The following FHIP1A variants were observed in gnomAD, a reference collection of about 807,000 sequenced individuals.
FHIP1A encodes FHF complex subunit HOOK-interacting protein 1A.
A neutral mutation model predicts 88.6 loss-of-function variants in FHIP1A; 61 were observed. The ratio of observed to expected loss-of-function variants is 0.69; its 90% CI spans 0.56 to 0.85. FHIP1A has a LOEUF of 0.85. Ranked by LOEUF, FHIP1A falls within the 40% of genes least tolerant of loss-of-function variation. The pLI is 0.00. For synonymous variants in FHIP1A, 478 were observed against 496.0 expected (o/e 0.96, Z 0.48); for missense variants, 1,154 against 1,273.5 (o/e 0.91, Z 1.43).
At chr4:151,411,240 T>C (rs1384722011) in intron 1 of FHIP1A, among the ~76,000 whole-genome samples, 1 of 151,982 alleles carries the variant, frequency 6.6e-6, no homozygotes, top group African/African-American at 2.4e-5. Flanking sequence ...AGGAACTTGA[T>C]AGATAATGAC....
At position 151,667,549 on chromosome 4, in the gene FHIP1A, G is replaced by C. The variant is rs1454695034; in HGVS notation, c.*4795G>C. 2.6e-5 allele frequency among the ~76,000 whole-genome samples: 4 copies of C among 152,164 alleles called. No homozygotes were observed. The highest frequency in any genetic ancestry group is 5.9e-5 in the Non-Finnish European group (4 of 68,030). On this transcript the variant is annotated 3_prime_UTR_variant, in exon 14 of 14. Transcript: ENST00000435205. Reference sequence around the variant, plus strand: ...TGTTTTGGGACTACAGATTATCCTGGCAGCTCAATAACTGGATAAACAGGA... The same window carrying C: ...TGTTTTGGGACTACAGATTATCCTGCCAGCTCAATAACTGGATAAACAGGA...
intron 2 of FHIP1A, among the ~76,000 whole-genome samples, chr4:151,463,423 T>C (rs1202175680): frequency 1.3e-5 from 2 of 152,252 alleles, no homozygotes; most frequent in Admixed American, 6.5e-5. Flanking sequence ...ATCTTCTGTG[T>C]CATGACAGGG....
intron 7 of FHIP1A, among the ~76,000 whole-genome samples, chr4:151,601,603 A>T (rs1734869104): frequency 6.7e-6 from 1 of 149,570 alleles, no homozygotes; most frequent in Non-Finnish European, 1.5e-5. Context: ...AACATACTAG[A>T]TATGAATAAA....
intron 2 of FHIP1A, among the ~76,000 whole-genome samples, chr4:151,460,930 A>G (rs1051587491): frequency 6.6e-6 from 1 of 152,202 alleles, no homozygotes; most frequent in Non-Finnish European, 1.5e-5. Flanking sequence ...TTGTATGGCA[A>G]TGGATATGAA....
intron 9 of FHIP1A, among the ~76,000 whole-genome samples, chr4:151,645,471 G>T (rs1736756346): frequency 6.6e-6 from 1 of 151,924 alleles, no homozygotes; most frequent in Admixed American, 6.6e-5. Flanking sequence ...ATGTTTACAG[G>T]CCTGAAGGCA....
chr4:151,508,043 T>C (rs996081246), intron 3 of FHIP1A, among the ~76,000 whole-genome samples: 2 of 152,154 alleles, frequency 1.3e-5, no homozygotes, highest in Non-Finnish European at 2.9e-5. Flanking sequence ...CTGGAGGAAG[T>C]GGTACAGGAA....
At chr4:151,529,576 A>T (rs193144141) in intron 3 of FHIP1A, among the ~76,000 whole-genome samples, 2 of 152,278 alleles carry the variant, frequency 1.3e-5, no homozygotes, top group Admixed American at 1.3e-4. Flanking sequence ...CCCTGTGACT[A>T]GCAGGTTGAT....
intron 2 of FHIP1A, among the ~76,000 whole-genome samples, chr4:151,471,871 G>GT (rs1729525652): frequency 2.0e-5 from 3 of 152,120 alleles, no homozygotes; most frequent in African/African-American, 4.8e-5. Context: ...TACAATGTTT[G>GT]TTTTTTCCAT....
At chr4:151,571,072 C>G (rs1430776669) in intron 4 of FHIP1A, among the ~76,000 whole-genome samples, 1 of 152,012 alleles carries the variant, frequency 6.6e-6, no homozygotes, top group East Asian at 1.9e-4. Context: ...AACTAGACTG[C>G]CATGTGAATT....
At chr4:151,579,199 A>G (rs1392465724) in intron 5 of FHIP1A, among the ~76,000 whole-genome samples, 1 of 152,212 alleles carries the variant, frequency 6.6e-6, no homozygotes, top group Non-Finnish European at 1.5e-5. Flanking sequence ...CATTTGTCCA[A>G]ACCCATAGAA....
At chr4:151,530,014 T>C (rs1731814222) in intron 3 of FHIP1A, among the ~76,000 whole-genome samples, 1 of 152,162 alleles carries the variant, frequency 6.6e-6, no homozygotes, top group Non-Finnish European at 1.5e-5. Context: ...ACCAGAGTAG[T>C]GTCCTATGTT....
intron 3 of FHIP1A, among the ~76,000 whole-genome samples, chr4:151,504,076 C>T (rs1730742984): frequency 6.6e-6 from 1 of 152,186 alleles, no homozygotes; most frequent in Admixed American, 6.5e-5. Flanking sequence ...TTAGCCTTAC[C>T]AACAGTAACT....
chr4:151,600,918 T>C (rs1272228140), intron 7 of FHIP1A, among the ~76,000 whole-genome samples: 1 of 152,140 alleles, frequency 6.6e-6, no homozygotes, highest in African/African-American at 2.4e-5. Flanking sequence ...TATGCCATAT[T>C]TCATTGTTCA....
At chr4:151,442,472 C>T (rs1156559962) in intron 1 of FHIP1A, among the ~76,000 whole-genome samples, 1 of 152,176 alleles carries the variant, frequency 6.6e-6, no homozygotes, top group Admixed American at 6.5e-5. Context: ...GTCATTGCCT[C>T]CTCTCTTGTT....
rs1327107281 is a variant in FHIP1A at position 151,650,365 on chromosome 4, C to A, written c.2324C>A (p.Pro775His). The A allele has an allele frequency of 6.4e-7, 1 of 1,551,714 alleles. No homozygotes were observed. Among genetic ancestry groups the A allele is most frequent in the Non-Finnish European group, 8.7e-7 (1 of 1,147,006 alleles). ...GAEGLMEQNY[P>H]TPDPLLLTKE... The stretch of plus-strand genomic sequence containing the variant: ...GAGGGCTTGATGGAACAGAATTACC[C>A]CACACCTGATCCCTTGCTTCTCACT... The change falls in exon 11 of 14, where the codon CCC becomes CAC. Residue 775 changes from proline (P) to histidine (H), a missense_variant. Coordinates refer to ENST00000435205, the MANE Select transcript of FHIP1A (RefSeq NM_001109977.3).
At chr4:151,597,720 G>T (rs1317373103) in intron 7 of FHIP1A, among the ~76,000 whole-genome samples, 1 of 152,186 alleles carries the variant, frequency 6.6e-6, no homozygotes, top group South Asian at 2.1e-4. Context: ...TTTCAGAGAT[G>T]CCCAGCCCAG....
At chr4:151,555,951 A>G (rs1180242285) in intron 3 of FHIP1A, among the ~76,000 whole-genome samples, 3 of 152,000 alleles carry the variant, frequency 2.0e-5, no homozygotes, top group African/African-American at 4.8e-5. Flanking sequence ...CATCCCTTTT[A>G]TTTTTTTCTT....
At chr4:151,662,073 G>A (rs1737478839) in intron 13 of FHIP1A, among the ~76,000 whole-genome samples, 1 of 152,194 alleles carries the variant, frequency 6.6e-6, no homozygotes, top group Non-Finnish European at 1.5e-5. Flanking sequence ...GTGCTGTCAG[G>A]GCTTAACTGG....
intron 3 of FHIP1A, among the ~76,000 whole-genome samples, chr4:151,529,669 G>A (rs1688894612): frequency 1.3e-5 from 2 of 152,168 alleles, no homozygotes; most frequent in Admixed American, 6.5e-5. Context: ...TGCCCTTTGT[G>A]GGGGCTGTGG....
Sources: allele counts gnomAD v4.1 joint callset (sites outside exome capture counted in the v4.1 genomes callset), GRCh38; gene constraint gnomAD v4.1.1; transcripts MANE v1.5; gene names NCBI Gene and HGNC (gene_info 2026-07-23, HGNC 2026-07-21).